Variants in SYNPR observed in about 807,000 individuals in gnomAD.
The protein encoded by SYNPR is synaptoporin.
Under a neutral mutation model 32.9 loss-of-function variants are expected in SYNPR, and 23 were observed. The ratio of observed to expected loss-of-function variants is 0.70; its 90% CI spans 0.50 to 0.99. SYNPR has a LOEUF of 0.99. Ranked by LOEUF, SYNPR falls within the 50% of genes least tolerant of loss-of-function variation. The pLI, the probability that SYNPR is intolerant of heterozygous loss-of-function variation, is 0.00. For synonymous variants in SYNPR, 146 were observed against 135.9 expected, an observed-to-expected ratio of 1.07 and a Z score of -0.52; for missense variants, 318 against 349.3, an observed-to-expected ratio of 0.91 and a Z score of 0.71.
At chr3:63,557,859 C>CA (rs58794997) in intron 4 of SYNPR, among the ~76,000 whole-genome samples, 1 of 152,140 alleles carries the variant, frequency 6.6e-6, no homozygotes, top group East Asian at 1.9e-4. Context: ...TAATGTTTAT[C>CA]AAAAAAAGTA....
intron 4 of SYNPR, among the ~76,000 whole-genome samples, chr3:63,577,200 G>T (rs1279868682): frequency 6.6e-6 from 1 of 152,158 alleles, no homozygotes; most frequent in Non-Finnish European, 1.5e-5. Context: ...CTGGGTAAAC[G>T]CAATGCTTAA....
rs192188978 is a variant in SYNPR at position 63,310,038 on chromosome 3, A to T, written c.84+31296A>T. Among the ~76,000 whole-genome samples the T allele has an allele frequency of 2.1e-3, 319 of 151,930 alleles. 8 individuals are homozygous for T. The highest frequency in any genetic ancestry group is 1.5e-4 in the Non-Finnish European group (10 of 67,900). On this transcript the variant is annotated intron_variant, in intron 2 of 5. Coordinates refer to ENST00000478300, the MANE Select transcript of SYNPR (RefSeq NM_001130003.2). The stretch of plus-strand genomic sequence containing the variant: ...AGGCTGAGTAAATATTTTCTCAAGC[A>T]GATACCCCATACCCAGCTCAGTTTA...
At chr3:63,518,323 G>A (rs376844699) in intron 3 of SYNPR, among the ~76,000 whole-genome samples, 1 of 152,054 alleles carries the variant, frequency 6.6e-6, no homozygotes, top group Non-Finnish European at 1.5e-5. Flanking sequence ...GCCAAGCCTT[G>A]AGAGTCCTGA....
At chr3:63,348,790 T>C (rs2087469989) in intron 2 of SYNPR, among the ~76,000 whole-genome samples, 1 of 152,228 alleles carries the variant, frequency 6.6e-6, no homozygotes, top group Non-Finnish European at 1.5e-5. Flanking sequence ...AAGGACATTC[T>C]TTCTCCAGTA....
At chr3:63,357,459 A>T (rs897752696) in intron 2 of SYNPR, among the ~76,000 whole-genome samples, 1 of 151,970 alleles carries the variant, frequency 6.6e-6, no homozygotes, top group Non-Finnish European at 1.5e-5. Flanking sequence ...GTAGCTAAGG[A>T]CGTCACATTT....
chr3:63,257,372 A>C (rs762192220), intron 2 of SYNPR, among the ~76,000 whole-genome samples: 123 of 152,352 alleles, frequency 8.1e-4, no homozygotes, highest in Non-Finnish European at 1.7e-3. Context: ...CAGATATCTC[A>C]GCAGAAACTC....
intron 2 of SYNPR, among the ~76,000 whole-genome samples, chr3:63,459,179 T>A (rs1700538097): frequency 6.6e-6 from 1 of 152,074 alleles, no homozygotes; most frequent in Non-Finnish European, 1.5e-5. Flanking sequence ...ACTACCTGAT[T>A]TGGCCCAAAT....
chr3:63,421,636 A>T (rs79522889), intron 2 of SYNPR, among the ~76,000 whole-genome samples: 6 of 152,190 alleles, frequency 3.9e-5, no homozygotes, highest in Admixed American at 1.3e-4. Context: ...GAGACTTAAA[A>T]CAACGCACAT....
chr3:63,200,830 T>G, the SYNPR span, among the ~76,000 whole-genome samples: 119,648 of 151,730 alleles, frequency 0.79, 47,742 homozygotes, highest in Middle Eastern at 0.86. Context: ...TCTAAAAGAT[T>G]TATCTCTTTT....
intron 3 of SYNPR, among the ~76,000 whole-genome samples, chr3:63,540,797 CAT>C (rs1407910424): frequency 2.0e-5 from 3 of 151,674 alleles, no homozygotes; most frequent in African/African-American, 7.3e-5. Context: ...ATACAGAAGA[CAT>C]GTGTTATTTC....
At chr3:63,384,719 G>T (rs1403966921) in intron 2 of SYNPR, among the ~76,000 whole-genome samples, 4 of 152,144 alleles carry the variant, frequency 2.6e-5, no homozygotes. Flanking sequence ...CTATGTGTGT[G>T]GGACTGTGTT....
At chr3:63,595,905 T>C (rs1157995716) in intron 4 of SYNPR, among the ~76,000 whole-genome samples, 1 of 89,030 alleles carries the variant, frequency 1.1e-5, no homozygotes, top group African/African-American at 4.3e-5. Context: ...ATATATATAG[T>C]TATATATATA....
intron 2 of SYNPR, among the ~76,000 whole-genome samples, chr3:63,284,925 G>A (rs1159731946): frequency 2.0e-5 from 3 of 152,128 alleles, no homozygotes; most frequent in African/African-American, 7.2e-5. Context: ...CGTTTCTCCA[G>A]GAGGCTCAAA....
chr3:63,241,891 G>A (rs922061969), intron 1 of SYNPR, among the ~76,000 whole-genome samples: 3 of 152,052 alleles, frequency 2.0e-5, no homozygotes, highest in Non-Finnish European at 2.9e-5. Context: ...TTTGGATCAT[G>A]TCACAGACTC....
At chr3:63,210,512 G>A in the SYNPR span, among the ~76,000 whole-genome samples, 1 of 152,218 alleles carries the variant, frequency 6.6e-6, no homozygotes, top group African/African-American at 2.4e-5. Context: ...AAGCAAAGTT[G>A]ATTTGGTTGG....
intron 4 of SYNPR, among the ~76,000 whole-genome samples, chr3:63,587,862 C>T (rs1004428551): frequency 3.9e-5 from 6 of 152,180 alleles, no homozygotes; most frequent in Middle Eastern, 3.4e-3. Context: ...CCTCCCGTCT[C>T]AGCTTTCTGA....
chr3:63,398,926 G>T (rs543100939), intron 2 of SYNPR, among the ~76,000 whole-genome samples: 1 of 152,226 alleles, frequency 6.6e-6, no homozygotes, highest in African/African-American at 2.4e-5. Flanking sequence ...GGATTCTTTT[G>T]GTGCCAGCTA....
intron 3 of SYNPR, among the ~76,000 whole-genome samples, chr3:63,490,796 T>C (rs1701244517): frequency 6.6e-6 from 1 of 152,166 alleles, no homozygotes; most frequent in Admixed American, 6.5e-5. Context: ...GGAGTCTCAC[T>C]CTGTTACCCA....
At chr3:63,332,804 G>T (rs74671257) in intron 2 of SYNPR, among the ~76,000 whole-genome samples, 42,567 of 152,002 alleles carry the variant, frequency 0.28, 7,177 homozygotes, top group Non-Finnish European at 0.38. Flanking sequence ...TGACTGCAAG[G>T]TTCTTTTTAG....
Sources: allele counts gnomAD v4.1 joint callset (sites outside exome capture counted in the v4.1 genomes callset), GRCh38; gene constraint gnomAD v4.1.1; transcripts MANE v1.5; gene names NCBI Gene and HGNC (gene_info 2026-07-23, HGNC 2026-07-21).